Variants in MINDY4B observed in about 807,000 individuals in gnomAD.
MINDY4B encodes the protein inactive ubiquitin carboxyl-terminal hydrolase MINDY-4B.
Under a neutral mutation model 16.7 loss-of-function variants are expected in MINDY4B, and 25 were observed. That is an observed-to-expected ratio of 1.49 (90% confidence interval 1.09 to 2.09). The LOEUF (loss-of-function observed/expected upper bound fraction) is 2.09, where lower values mean the gene tolerates loss of function less well. MINDY4B is among the 30% of genes most tolerant of loss of function. MINDY4B has a pLI of 0.00. For missense variants in MINDY4B, 327 were observed against 168.4 expected (o/e 1.94, Z -5.21); for synonymous variants, 132 against 61.9 (o/e 2.13, Z -5.32).
At chr3:150,897,523 C>G (rs1712008369) in intron 3 of MINDY4B, among the ~76,000 whole-genome samples, 1 of 152,136 alleles carries the variant, frequency 6.6e-6, no homozygotes, top group Admixed American at 6.5e-5. Context: ...AGCTGAGGTG[C>G]CTCTTCCCAG....
chr3:150,873,730 G>A (rs974734642), intron 10 of MINDY4B, among the ~76,000 whole-genome samples: 7 of 152,158 alleles, frequency 4.6e-5, no homozygotes, highest in African/African-American at 1.7e-4. Context: ...TTCTGTGTTT[G>A]TCACTGACTA....
At chr3:150,878,879 T>C (rs989109403) in intron 10 of MINDY4B, among the ~76,000 whole-genome samples, 2 of 152,196 alleles carry the variant, frequency 1.3e-5, no homozygotes, top group African/African-American at 4.8e-5. Flanking sequence ...TAGAGCATGA[T>C]TTAGCAGTTC....
intron 9 of MINDY4B, 73 bp downstream of exon 9, chr3:150,883,627 C>T: frequency 3.7e-5 from 24 of 656,698 alleles, no homozygotes; most frequent in Admixed American, 1.0e-4. Flanking sequence ...TTCTTTTTTT[C>T]TTTTTCAAAC....
At chr3:150,871,652 C>T (rs932252873) in intron 11 of MINDY4B, among the ~76,000 whole-genome samples, 2 of 152,020 alleles carry the variant, frequency 1.3e-5, no homozygotes, top group Admixed American at 1.3e-4. Flanking sequence ...AGTTCGAGAC[C>T]AGCCTGGCCA....
chr3:150,871,771 G>A (rs1230913091), intron 11 of MINDY4B, among the ~76,000 whole-genome samples: 1 of 152,144 alleles, frequency 6.6e-6, no homozygotes, highest in Non-Finnish European at 1.5e-5. Flanking sequence ...CTTGAACCTG[G>A]GAGGTGGAAT....
chr3:150,891,945 A>G (rs1192634256), intron 5 of MINDY4B, among the ~76,000 whole-genome samples: 2 of 152,134 alleles, frequency 1.3e-5, no homozygotes, highest in Admixed American at 6.5e-5. Flanking sequence ...CATTTATTTA[A>G]TATTTGCCAT....
intron 7 of MINDY4B, 33 bp from the exon 8 acceptor site, chr3:150,885,471 C>A: frequency 3.3e-6 from 2 of 611,092 alleles, no homozygotes; most frequent in South Asian, 3.7e-5. Context: ...GCATGTTGGT[C>A]TAAAAGCAAC....
intron 10 of MINDY4B, among the ~76,000 whole-genome samples, chr3:150,877,576 C>G (rs1222364070): frequency 6.6e-6 from 1 of 152,146 alleles, no homozygotes; most frequent in Non-Finnish European, 1.5e-5. Flanking sequence ...TAGCATGTCT[C>G]TAAGCACCAC....
chr3:150,902,406 G>A (rs779375892), intron 3 of MINDY4B, among the ~76,000 whole-genome samples: 11 of 152,220 alleles, frequency 7.2e-5, no homozygotes, highest in African/African-American at 2.7e-4. Flanking sequence ...GTCTTGAGAA[G>A]TCCCGAGTTT....
At chr3:150,897,690 A>G (rs1391213657) in intron 3 of MINDY4B, among the ~76,000 whole-genome samples, 1 of 152,216 alleles carries the variant, frequency 6.6e-6, no homozygotes, top group Non-Finnish European at 1.5e-5. Flanking sequence ...CACCCTCAAA[A>G]GAAAAGGTTG....
At chr3:150,889,033 T>A (rs1460323903) in intron 7 of MINDY4B, among the ~76,000 whole-genome samples, 1 of 152,180 alleles carries the variant, frequency 6.6e-6, no homozygotes, top group Non-Finnish European at 1.5e-5. Flanking sequence ...CAACAAAGAA[T>A]CCCTAAGCAG....
intron 11 of MINDY4B, among the ~76,000 whole-genome samples, chr3:150,872,626 GT>G (rs1221127003): frequency 1.3e-5 from 2 of 152,248 alleles, no homozygotes; most frequent in African/African-American, 4.8e-5. Context: ...ACCAGTCTGT[GT>G]GACTACAGAG....
At chr3:150,874,426 A>T (rs1391762629) in intron 10 of MINDY4B, among the ~76,000 whole-genome samples, 1 of 152,232 alleles carries the variant, frequency 6.6e-6, no homozygotes, top group Non-Finnish European at 1.5e-5. Context: ...TCTATCAGTG[A>T]TAGCCATCAG....
At chr3:150,874,851 G>C (rs1025618952) in intron 10 of MINDY4B, among the ~76,000 whole-genome samples, 2 of 152,116 alleles carry the variant, frequency 1.3e-5, no homozygotes, top group Non-Finnish European at 2.9e-5. Context: ...TTCAGCTGTG[G>C]GTGAGTGGGT....
intron 5 of MINDY4B, among the ~76,000 whole-genome samples, chr3:150,891,913 T>A (rs1711823245): frequency 6.6e-6 from 1 of 152,178 alleles, no homozygotes; most frequent in Non-Finnish European, 1.5e-5. Context: ...GCAGTGTGTC[T>A]ACAGACGTAG....
rs772940246 is a variant in MINDY4B, at chr3:150,871,136, G to T, written c.1292C>A (p.Pro431Gln). 5.4e-5 allele frequency: 38 copies of T among 702,680 alleles called. No individual in the cohort carries two copies. The highest frequency in any genetic ancestry group is 9.6e-5 in the Non-Finnish European group (37 of 384,844). The allele number at this position is 702,680 out of a possible 1,614,324, so 43.5% of individuals were successfully genotyped here. A position where few individuals can be genotyped will look rare whatever the true frequency, so the allele number is the denominator to read the frequency against. The change falls in exon 12 of 12, where the codon CCA (proline) becomes CAA (glutamine). Residue 431 changes from proline (P) to glutamine (Q), a missense_variant. Coordinates refer to ENST00000465419, the MANE Select transcript of MINDY4B (RefSeq NM_001351281.2). ...ERDQQEEKHGPRRRFSPVEMA... is the reference protein window; with the variant it reads ...ERDQQEEKHGQRRRFSPVEMA... ...CTCCACTGGTGAAAACCGTCGTCTTGGTCCATGTTTCTCTTCCTGTTGGTC... is the reference window on the plus strand; with the variant it reads ...CTCCACTGGTGAAAACCGTCGTCTTTGTCCATGTTTCTCTTCCTGTTGGTC...
intron 3 of MINDY4B, among the ~76,000 whole-genome samples, chr3:150,901,695 A>C (rs1226701800): frequency 2.6e-5 from 4 of 151,234 alleles, no homozygotes; most frequent in Non-Finnish European, 4.4e-5. Flanking sequence ...TAATTTTTGT[A>C]CTTTTAGTAG....
intron 5 of MINDY4B, among the ~76,000 whole-genome samples, chr3:150,891,568 C>G (rs1315880485): frequency 6.6e-6 from 1 of 151,968 alleles, no homozygotes; most frequent in Non-Finnish European, 1.5e-5. Flanking sequence ...TCAAGACCAG[C>G]TTGGCCAACA....
intron 5 of MINDY4B, among the ~76,000 whole-genome samples, chr3:150,892,734 CA>C (rs559127842): frequency 6.4e-4 from 96 of 150,762 alleles, no homozygotes; most frequent in Non-Finnish European, 1.2e-3. Context: ...CACCTGAGGT[CA>C]GGAGTTCGAG....
Sources: allele counts gnomAD v4.1 joint callset (sites outside exome capture counted in the v4.1 genomes callset), GRCh38; gene constraint gnomAD v4.1.1; transcripts MANE v1.5; gene names NCBI Gene and HGNC (gene_info 2026-07-23, HGNC 2026-07-21).